Variants in VASH2 observed in about 807,000 individuals in gnomAD.
The protein encoded by VASH2 is vasohibin 2, also known as tubulinyl-Tyr carboxypeptidase 2.
In VASH2, 28 loss-of-function variants were observed where a neutral mutation model predicts 37.2. The observed-to-expected ratio is 0.75, with a 90% confidence interval of 0.56 to 1.03. The LOEUF is 1.03. VASH2 is among the 50% of genes least tolerant of loss of function. The probability of loss-of-function intolerance (pLI) is 0.00; values close to 1 mark genes in which losing one functional copy is unlikely to be tolerated. For missense variants in VASH2, 419 were observed against 459.1 expected (o/e 0.91, Z 0.80); for synonymous variants, 188 against 174.7 (o/e 1.08, Z -0.60).
intron 7 of VASH2, among the ~76,000 whole-genome samples, chr1:212,979,302 A>G (rs183289703): frequency 6.7e-4 from 102 of 152,314 alleles, no homozygotes; most frequent in Middle Eastern, 3.4e-3. Context: ...TCTTGACCCA[A>G]TCACTCCACA....
chr1:212,967,710 A>C, intron 5 of VASH2: 1 of 161,790 alleles, frequency 6.2e-6, no homozygotes, highest in Non-Finnish European at 1.4e-5. Context: ...GTGAGGCTAG[A>C]CTCATGGCCC....
intron 7 of VASH2, among the ~76,000 whole-genome samples, chr1:212,982,432 G>A (rs994377705): frequency 3.9e-5 from 6 of 152,194 alleles, no homozygotes; most frequent in Admixed American, 3.3e-4. Context: ...CCCTGGATCC[G>A]ATGAGAGGTT....
intron 2 of VASH2, among the ~76,000 whole-genome samples, chr1:212,960,959 C>G: frequency 6.6e-6 from 1 of 152,172 alleles, no homozygotes; most frequent in Non-Finnish European, 1.5e-5. Context: ...CTCAGAGAGG[C>G]AGAGCTTCAA....
chr1:212,961,394 G>A (rs567471278), intron 3 of VASH2, 140 bp downstream of exon 3: 4 of 1,520,150 alleles, frequency 2.6e-6, no homozygotes, highest in Non-Finnish European at 2.6e-6. Flanking sequence ...GATGTCCCGG[G>A]TGGGAGTCTA....
At chr1:212,965,580 C>T in intron 3 of VASH2, 142 bp from the exon 4 acceptor site, 2 of 676,172 alleles carry the variant, frequency 3.0e-6, no homozygotes, top group Middle Eastern at 2.5e-4. Flanking sequence ...GAGGCTACTA[C>T]TAGCTACCTT....
chr1:212,976,742 C>T (rs931139282), intron 7 of VASH2, among the ~76,000 whole-genome samples: 1 of 148,372 alleles, frequency 6.7e-6, no homozygotes, highest in South Asian at 2.1e-4. Flanking sequence ...AAGCTACCTT[C>T]TGGTGTTGAG....
At chr1:212,961,374 G>A (rs1341368478) in intron 3 of VASH2, 120 bp downstream of exon 3, 2 of 1,556,816 alleles carry the variant, frequency 1.3e-6, no homozygotes, top group East Asian at 2.3e-5. Context: ...GGTGAGGCCA[G>A]GCATGGAGGG....
chr1:212,966,477 C>G lies in VASH2; in HGVS notation c.497+132C>G. On this transcript the variant is annotated intron_variant, in intron 5 of 7. Coordinates refer to ENST00000517399, the MANE Select transcript of VASH2 (RefSeq NM_001301056.2). ...CTCCTTTGAGGAAAGTGTCAAACTC[C>G]TCTGGTTCATCTCTTTAACTTTCAC... 8.0e-6 allele frequency: 6 copies of G among 750,724 alleles called. No individual in the cohort carries two copies. In the South Asian group the frequency reaches 1.0e-4, roughly 13 times the overall value. 46.5% of individuals were successfully genotyped at this position (750,724 alleles called of 1,614,324 possible).
chr1:212,956,152 G>T (rs748125815), intron 2 of VASH2, among the ~76,000 whole-genome samples: 6 of 152,208 alleles, frequency 3.9e-5, no homozygotes, highest in Non-Finnish European at 7.3e-5. Context: ...CCACACGGCA[G>T]TTCAGTTACA....
intron 2 of VASH2, chr1:212,952,599 T>G (rs538187384): frequency 6.6e-6 from 1 of 152,408 alleles, no homozygotes; most frequent in African/African-American, 2.4e-5. Flanking sequence ...TGGCTAAGGA[T>G]ATCTTTACCG....
intron 5 of VASH2, among the ~76,000 whole-genome samples, chr1:212,966,740 C>T (rs187400387): frequency 6.6e-6 from 1 of 152,286 alleles, no homozygotes; most frequent in East Asian, 1.9e-4. Context: ...GCCAAGAGTG[C>T]TAGTATCCAA....
In VASH2 at chr1:212,991,546, C is replaced by T. The variant is rs2075860472; in HGVS notation, c.*2962C>T. On this transcript the variant is annotated 3_prime_UTR_variant, in exon 8 of 8. Transcript: ENST00000517399. Reference sequence around the variant, plus strand: ...TTTCTCATCACTTGTATGTTTCTAACACAGCATGGGACTTTAATAAAACCA... The same window carrying T: ...TTTCTCATCACTTGTATGTTTCTAATACAGCATGGGACTTTAATAAAACCA... 1 of 152,202 alleles carries T rather than the reference C, an allele frequency of 6.6e-6. No individual in the cohort carries two copies. Among genetic ancestry groups the T allele is most frequent in the Non-Finnish European group, 1.5e-5 (1 of 68,044 alleles). The allele number at this position is 152,202 out of a possible 1,614,324, so 9.4% of individuals were successfully genotyped here.
At chr1:212,961,403 TAGAA>T in intron 3 of VASH2, 149 bp downstream of exon 3, 1 of 1,500,372 alleles carries the variant, frequency 6.7e-7, no homozygotes. Flanking sequence ...GGTGGGAGTC[TAGAA>T]AGAGTGTGCG....
chr1:212,966,580 G>T (rs1224526121), intron 5 of VASH2, among the ~76,000 whole-genome samples: 1 of 152,202 alleles, frequency 6.6e-6, no homozygotes, highest in Non-Finnish European at 1.5e-5. Flanking sequence ...GCCTCCATCA[G>T]GTCCAGCTCT....
intron 5 of VASH2, chr1:212,968,702 C>G: frequency 1.0e-6 from 1 of 985,498 alleles, no homozygotes; most frequent in Non-Finnish European, 1.2e-6. Context: ...TGGCTCAGGG[C>G]CCCAACTCTT....
intron 7 of VASH2, among the ~76,000 whole-genome samples, chr1:212,986,099 T>TA (rs1254403921): frequency 1.3e-5 from 2 of 152,202 alleles, no homozygotes; most frequent in African/African-American, 4.8e-5. Flanking sequence ...TATATTTGGA[T>TA]AAAAAATATA....
intron 3 of VASH2, among the ~76,000 whole-genome samples, chr1:212,962,686 G>T (rs1191038931): frequency 6.6e-6 from 1 of 152,168 alleles, no homozygotes; most frequent in African/African-American, 2.4e-5. Context: ...TCACTTCACG[G>T]ATCATCAACT....
At chr1:212,983,183 C>T (rs1667384660) in intron 7 of VASH2, among the ~76,000 whole-genome samples, 1 of 152,212 alleles carries the variant, frequency 6.6e-6, no homozygotes, top group Non-Finnish European at 1.5e-5. Flanking sequence ...TGTTCACAGT[C>T]TCTGAGGCAG....
chr1:212,980,460 T>G (rs745619793), intron 7 of VASH2, among the ~76,000 whole-genome samples: 1 of 152,148 alleles, frequency 6.6e-6, no homozygotes, highest in African/African-American at 2.4e-5. Context: ...TGATTTCCCT[T>G]CTTCATCACT....
Sources: allele counts gnomAD v4.1 joint callset (sites outside exome capture counted in the v4.1 genomes callset), GRCh38; gene constraint gnomAD v4.1.1; transcripts MANE v1.5; gene names NCBI Gene and HGNC (gene_info 2026-07-23, HGNC 2026-07-21).